LRBA: variants seen among roughly 807,000 people sequenced by gnomAD.
The protein encoded by LRBA is lipopolysaccharide-responsive and beige-like anchor protein.
Under a neutral mutation model 330.0 loss-of-function variants are expected in LRBA, and 176 were observed. The ratio of observed to expected loss-of-function variants is 0.53; its 90% CI spans 0.47 to 0.60. The LOEUF (loss-of-function observed/expected upper bound fraction) is 0.60. LRBA is among the 20% of genes least tolerant of loss of function. The pLI is 0.00. For synonymous variants in LRBA, 1,230 were observed against 1,193.0 expected, an observed-to-expected ratio of 1.03 and a Z score of -0.64; for missense variants, 3,259 against 3,444.8, an observed-to-expected ratio of 0.95 and a Z score of 1.35.
At chr4:150,618,698 A>C (rs1189914979) in intron 37 of LRBA, among the ~76,000 whole-genome samples, 1 of 152,062 alleles carries the variant, frequency 6.6e-6, no homozygotes, top group Admixed American at 6.5e-5. Flanking sequence ...TCAGTTCATT[A>C]GTTTTACTGC....
chr4:150,515,079 A>T (rs555480122), intron 40 of LRBA, among the ~76,000 whole-genome samples: 1 of 152,346 alleles, frequency 6.6e-6, no homozygotes, highest in African/African-American at 2.4e-5. Flanking sequence ...TGAAAACTTA[A>T]AAAGAGATAA....
intron 47 of LRBA, among the ~76,000 whole-genome samples, chr4:150,392,425 T>C (rs1166848202): frequency 6.6e-6 from 1 of 152,152 alleles, no homozygotes. Flanking sequence ...TGTTTCTTCT[T>C]ATAAGAGCAC....
intron 22 of LRBA, among the ~76,000 whole-genome samples, chr4:150,866,152 A>G (rs1400283872): frequency 6.6e-6 from 1 of 152,208 alleles, no homozygotes; most frequent in African/African-American, 2.4e-5. Flanking sequence ...TTTTTATTAA[A>G]TAAATAGCTA....
At chr4:150,397,925 C>G (rs898033549) in intron 47 of LRBA, among the ~76,000 whole-genome samples, 4 of 152,130 alleles carry the variant, frequency 2.6e-5, no homozygotes, top group Admixed American at 2.0e-4. Context: ...CTCTTATTAT[C>G]CTTCTAAAAA....
intron 47 of LRBA, among the ~76,000 whole-genome samples, chr4:150,362,479 T>C (rs372039815): frequency 1.3e-5 from 2 of 152,280 alleles, no homozygotes; most frequent in East Asian, 3.9e-4. Context: ...CCTTAAAACT[T>C]TTCTCCTTTC....
rs536500768 is a variant in LRBA, at chr4:150,341,590, T to G, written c.7362+8402A>C. ...GAATGTCCCTTCCATTTCTTTTGCT[T>G]CACTGACTTAACTCAAATTTCTTAA... On this transcript the variant is annotated intron_variant, in intron 48 of 56. Coordinates refer to ENST00000651943, the MANE Select transcript of LRBA (RefSeq NM_001364905.1). 5.3e-5 allele frequency among the ~76,000 whole-genome samples: 8 copies of G among 152,236 alleles called. No individual in the cohort carries two copies. In the South Asian group the frequency reaches 1.7e-3, roughly 32 times the overall value.
chr4:150,434,396 C>T (rs1039181738), intron 46 of LRBA, among the ~76,000 whole-genome samples: 11 of 152,040 alleles, frequency 7.2e-5, no homozygotes, highest in African/African-American at 2.7e-4. Context: ...CTTGTTTTTG[C>T]TTTATTAATA....
At chr4:150,907,919 A>G (rs1156596444) in intron 11 of LRBA, among the ~76,000 whole-genome samples, 1 of 152,154 alleles carries the variant, frequency 6.6e-6, no homozygotes, top group African/African-American at 2.4e-5. Context: ...CATAAATGCA[A>G]TCAGTAATAA....
intron 52 of LRBA, among the ~76,000 whole-genome samples, chr4:150,305,851 T>C (rs1173737232): frequency 1.3e-5 from 2 of 152,220 alleles, no homozygotes; most frequent in East Asian, 3.9e-4. Context: ...TGCTATAAGG[T>C]TGAGGTTCAC....
Position 150,670,052 on chromosome 4 carries a change from G to GT in LRBA, c.5921+13498dup, listed in dbSNP as rs1330743705. Among the ~76,000 whole-genome samples, 7 of 152,120 alleles carry GT rather than the reference G, an allele frequency of 4.6e-5. No homozygotes were observed. The South Asian group carries it at 1.5e-3, about 32-fold the overall frequency. On this transcript the variant is annotated intron_variant, in intron 37 of 56. Coordinates refer to ENST00000651943, the MANE Select transcript of LRBA (RefSeq NM_001364905.1). ...CACGTTTCTACATATTAACTATGAA[G>GT]TTAATATGTTTCCTGCTTGTAATTA...
chr4:150,828,657 C>G, intron 29 of LRBA, 36 bp from the exon 30 acceptor site: 1 of 1,542,332 alleles, frequency 6.5e-7, no homozygotes, highest in Non-Finnish European at 8.8e-7. Flanking sequence ...AATAAACAAA[C>G]AAAAGTTTAG....
chr4:150,276,003 G>A (rs1273221784), intron 56 of LRBA, among the ~76,000 whole-genome samples: 6 of 152,168 alleles, frequency 3.9e-5, no homozygotes, highest in Non-Finnish European at 7.3e-5. Flanking sequence ...GAACAAAGCT[G>A]GAGGCACCAT....
chr4:150,906,539 C>T, intron 11 of LRBA, 134 bp from the exon 12 acceptor site: 1 of 552,280 alleles, frequency 1.8e-6, no homozygotes, highest in East Asian at 2.9e-5. Context: ...TCCACTAAAA[C>T]TGCTTCCAAC....
chr4:150,817,633 T>C (rs1744798958), intron 30 of LRBA, among the ~76,000 whole-genome samples: 1 of 151,252 alleles, frequency 6.6e-6, no homozygotes, highest in Non-Finnish European at 1.5e-5. Context: ...ACCTTAGAAA[T>C]CTTATAAGCT....
chr4:150,642,199 T>C (rs909258632), intron 37 of LRBA, among the ~76,000 whole-genome samples: 1 of 151,990 alleles, frequency 6.6e-6, no homozygotes, highest in Non-Finnish European at 1.5e-5. Flanking sequence ...AATACATTCA[T>C]ATGTAAATTC....
At chr4:150,926,136 C>T (rs1421866341) in intron 4 of LRBA, among the ~76,000 whole-genome samples, 1 of 152,176 alleles carries the variant, frequency 6.6e-6, no homozygotes, top group Non-Finnish European at 1.5e-5. Context: ...AGACAAGAAG[C>T]TCCAGAAATC....
chr4:150,756,775 T>C (rs1427100980), intron 35 of LRBA, among the ~76,000 whole-genome samples: 2 of 152,188 alleles, frequency 1.3e-5, no homozygotes, highest in Non-Finnish European at 2.9e-5. Context: ...GTACATTATT[T>C]TCTATTGATG....
chr4:150,687,707 TA>T (rs1399842806), intron 36 of LRBA, among the ~76,000 whole-genome samples: 2 of 152,152 alleles, frequency 1.3e-5, no homozygotes, highest in Non-Finnish European at 2.9e-5. Flanking sequence ...TTTAGCTCTT[TA>T]AATGTAAATG....
intron 48 of LRBA, among the ~76,000 whole-genome samples, chr4:150,340,033 T>C (rs1735298586): frequency 6.6e-6 from 1 of 152,078 alleles, no homozygotes; most frequent in South Asian, 2.1e-4. Flanking sequence ...GATGGTTTTA[T>C]AACGGGCATC....
Sources: allele counts gnomAD v4.1 joint callset (sites outside exome capture counted in the v4.1 genomes callset), GRCh38; gene constraint gnomAD v4.1.1; transcripts MANE v1.5; gene names NCBI Gene and HGNC (gene_info 2026-07-23, HGNC 2026-07-21).